RBFOX1: variants seen among roughly 807,000 people sequenced by gnomAD.
RBFOX1 encodes RNA binding protein fox-1 homolog 1.
RBFOX1 carries 8 observed loss-of-function variants against 57.7 expected under a neutral mutation model. The observed-to-expected ratio is 0.14, with a 90% CI of 0.08 to 0.25. The LOEUF (loss-of-function observed/expected upper bound fraction) is 0.25. RBFOX1 is among the 10% of genes least tolerant of loss of function. The pLI, the probability that RBFOX1 is intolerant of heterozygous loss-of-function variation, is 1.00. For synonymous variants in RBFOX1, 326 were observed against 222.4 expected, an observed-to-expected ratio of 1.47 and a Z score of -4.15; for missense variants, 611 against 548.5, an observed-to-expected ratio of 1.11 and a Z score of -1.14.
intron 4 of RBFOX1, among the ~76,000 whole-genome samples, chr16:7,273,331 G>A (rs550865402): frequency 6.7e-6 from 1 of 150,372 alleles, no homozygotes; most frequent in Non-Finnish European, 1.5e-5. Context: ...ACTCTCTGCT[G>A]TGTCTTTAGG....
At chr16:6,651,225 C>G (rs17140836) in intron 2 of RBFOX1, among the ~76,000 whole-genome samples, 18,235 of 152,204 alleles carry the variant, frequency 0.12, 1,383 homozygotes, top group East Asian at 0.39. Context: ...GTTTGTAACT[C>G]CCTACACAAC....
intron 3 of RBFOX1, among the ~76,000 whole-genome samples, chr16:5,769,222 A>T (rs2053894066): frequency 6.6e-6 from 1 of 152,256 alleles, no homozygotes; most frequent in Non-Finnish European, 1.5e-5. Flanking sequence ...CATACGGTGA[A>T]GTCCTAACCC....
Position 7,431,051 on chromosome 16 carries a change from C to G in RBFOX1, c.28-87096C>G, listed in dbSNP as rs147835482. Among the ~76,000 whole-genome samples the G allele has an allele frequency of 4.8e-3, 727 of 152,290 alleles. 3 individuals are homozygous for G. The highest frequency in any genetic ancestry group is 0.016 in the African/African-American group (659 of 41,570). ...GTCTAAGCCCACCCTGGTCCTCTGG[C>G]TTTCTACTAAGGCACAGGCAGCACC... On this transcript the variant is annotated intron_variant, in intron 4 of 15. Transcript: ENST00000550418.
In RBFOX1 at chr16:6,055,059, G is replaced by T. The variant is rs59722331; in HGVS notation, c.-127+35067G>T. Among the ~76,000 whole-genome samples the T allele has an allele frequency of 6.5e-3, 991 of 152,174 alleles. 9 individuals carry two copies. The highest frequency in any genetic ancestry group is 0.023 in the African/African-American group (947 of 41,502). On this transcript the variant is annotated intron_variant, in intron 1 of 15. Coordinates refer to ENST00000550418, the MANE Select transcript of RBFOX1 (RefSeq NM_018723.4). Reference sequence around the variant, plus strand: ...TCCAATGCAGAATCATGTCATGTGAGGCTGTTCCTTTGCAGGGGACTTCAT... The same window carrying T: ...TCCAATGCAGAATCATGTCATGTGATGCTGTTCCTTTGCAGGGGACTTCAT...
At chr16:6,665,781 T>G (rs1027132623) in intron 3 of RBFOX1, among the ~76,000 whole-genome samples, 26 of 152,166 alleles carry the variant, frequency 1.7e-4, no homozygotes, top group African/African-American at 6.3e-4. Context: ...ACTTTATGCA[T>G]ATTCTATTAT....
chr16:5,792,260 T>C (rs767515991), intron 3 of RBFOX1, among the ~76,000 whole-genome samples: 2 of 152,298 alleles, frequency 1.3e-5, no homozygotes, highest in Non-Finnish European at 2.9e-5. Context: ...TTATTCCTGT[T>C]CCAGCCCTCT....
chr16:5,806,305 T>TGTTG (rs1250762525), intron 3 of RBFOX1, among the ~76,000 whole-genome samples: 2 of 152,182 alleles, frequency 1.3e-5, no homozygotes, highest in African/African-American at 4.8e-5. Flanking sequence ...AAGATCAAGG[T>TGTTG]GTTGGCATTT....
intron 3 of RBFOX1, among the ~76,000 whole-genome samples, chr16:6,901,028 C>G (rs371509202): frequency 5.1e-4 from 78 of 152,306 alleles, no homozygotes; most frequent in African/African-American, 1.7e-3. Context: ...CATTCACCGA[C>G]ATTATGTATA....
rs914243251 is a variant in RBFOX1, at chr16:6,523,295, T to C, written c.-63-131308T>C. ...AGACAGAGGGAGGGGGGGTTAGTAC[T>C]GGCAATAAGTTGATAAAGCTACTAG... On this transcript the variant is annotated intron_variant, in intron 2 of 15. Transcript: ENST00000550418. Among the ~76,000 whole-genome samples, 8 of 152,244 alleles carry C rather than the reference T, an allele frequency of 5.3e-5. No homozygotes were observed. The South Asian group carries it at 1.7e-3, about 32-fold the overall frequency.
At chr16:7,366,864 G>T (rs956159253) in intron 4 of RBFOX1, among the ~76,000 whole-genome samples, 8 of 152,092 alleles carry the variant, frequency 5.3e-5, no homozygotes, top group African/African-American at 1.9e-4. Flanking sequence ...ATATGAAGAA[G>T]AAAGCGCATA....
intron 3 of RBFOX1, among the ~76,000 whole-genome samples, chr16:6,817,478 G>A (rs548538636): frequency 1.3e-5 from 2 of 149,524 alleles, no homozygotes; most frequent in African/African-American, 4.9e-5. Context: ...CAGATTGGTT[G>A]AGGTCAAGAG....
intron 1 of RBFOX1, among the ~76,000 whole-genome samples, chr16:5,244,382 C>T (rs973421871): frequency 1.3e-5 from 2 of 152,144 alleles, no homozygotes; most frequent in Non-Finnish European, 2.9e-5. Context: ...TGCCTGTTCC[C>T]CACCACATCC....
intron 3 of RBFOX1, among the ~76,000 whole-genome samples, chr16:5,654,277 A>C (rs2049346154): frequency 6.6e-6 from 1 of 152,184 alleles, no homozygotes; most frequent in African/African-American, 2.4e-5. Context: ...TGCTGGAGCC[A>C]ATCCATATTG....
intron 4 of RBFOX1, among the ~76,000 whole-genome samples, chr16:5,891,139 T>C (rs2151934654): frequency 6.6e-6 from 1 of 152,274 alleles, no homozygotes; most frequent in East Asian, 1.9e-4. Flanking sequence ...CAGTTCTGCC[T>C]CTCTACCCTC....
At chr16:5,698,037 A>G (rs2050904431) in intron 3 of RBFOX1, among the ~76,000 whole-genome samples, 1 of 152,170 alleles carries the variant, frequency 6.6e-6, no homozygotes, top group African/African-American at 2.4e-5. Context: ...GAATTACCTT[A>G]ATAGGAGTTC....
chr16:5,281,778 T>A (rs2063277011), intron 1 of RBFOX1, among the ~76,000 whole-genome samples: 1 of 152,244 alleles, frequency 6.6e-6, no homozygotes, highest in Non-Finnish European at 1.5e-5. Flanking sequence ...GTGTGGTATA[T>A]CTTTTTCAAT....
intron 4 of RBFOX1, among the ~76,000 whole-genome samples, chr16:7,210,666 G>A (rs948932610): frequency 4.6e-5 from 7 of 152,152 alleles, no homozygotes; most frequent in Admixed American, 1.3e-4. Flanking sequence ...TGTCAGGCAT[G>A]CTGTTAAAGT....
chr16:7,143,034 C>G (rs1249075028), intron 4 of RBFOX1, among the ~76,000 whole-genome samples: 1 of 151,712 alleles, frequency 6.6e-6, no homozygotes, highest in African/African-American at 2.4e-5. Context: ...TAAAATTTGT[C>G]ATTAATACTA....
chr16:7,676,732 G>A (rs201183211), intron 13 of RBFOX1, 42 bp from the exon 14 acceptor site: 23 of 1,554,742 alleles, frequency 1.5e-5, no homozygotes, highest in Non-Finnish European at 1.9e-5. Context: ...CCTGCATTGG[G>A]CTCCGCTACA....
Sources: gnomAD v4.1 joint callset for allele counts (sites outside exome capture counted in the v4.1 genomes callset) on GRCh38, gnomAD v4.1.1 for gene constraint, MANE v1.5 for transcripts, NCBI Gene and HGNC (gene_info 2026-07-23, HGNC 2026-07-21) for gene names.